Variants in EPB41 observed in about 807,000 individuals in gnomAD.
EPB41 encodes protein 4.1.
A neutral mutation model predicts 108.0 loss-of-function variants in EPB41; 65 were observed. That is an observed-to-expected ratio of 0.60 (90% CI 0.49 to 0.74). EPB41 has a LOEUF of 0.74. Among genes scored for constraint, EPB41 ranks in the 30% least tolerant of loss-of-function variants. EPB41 has a pLI of 0.00. For missense variants in EPB41, 875 were observed against 1,037.0 expected (o/e 0.84, Z 2.15); for synonymous variants, 336 against 358.9 (o/e 0.94, Z 0.72).
At position 29,038,188 on chromosome 1, in the gene EPB41, CATG is replaced by C. The variant is rs564028737; in HGVS notation, c.1464-1064_1464-1062del. Among the ~76,000 whole-genome samples the C allele has an allele frequency of 7.2e-5, 11 of 152,286 alleles. No individual in the cohort carries two copies. The South Asian group carries it at 2.3e-3, about 32-fold the overall frequency. On this transcript the variant is annotated intron_variant, in intron 10 of 20. Coordinates refer to ENST00000343067, the MANE Select transcript of EPB41 (RefSeq NM_001376013.1). ...ATATTTCAATTATTTCAAAATAAAA[CATG>C]AGGGTACATTTTACACCCAATTAAA... is the stretch of plus-strand genomic sequence containing the variant.
chr1:29,041,980 C>A (rs1477204659), intron 11 of EPB41, among the ~76,000 whole-genome samples: 2 of 152,174 alleles, frequency 1.3e-5, no homozygotes, highest in African/African-American at 4.8e-5. Flanking sequence ...TGTTAGCTAT[C>A]ATTAAGATGC....
At chr1:29,114,636 TAAAAAAAA>T (rs62666661) in intron 19 of EPB41, among the ~76,000 whole-genome samples, 4 of 77,742 alleles carry the variant, frequency 5.1e-5, no homozygotes, top group Admixed American at 3.0e-4. Context: ...AGACTCCGTC[TAAAAAAAA>T]AAAAAAAAAA....
intron 7 of EPB41, among the ~76,000 whole-genome samples, chr1:29,027,772 C>T (rs2096739784): frequency 6.6e-6 from 1 of 152,144 alleles, no homozygotes; most frequent in Non-Finnish European, 1.5e-5. Flanking sequence ...CAAACATCAG[C>T]CAAACTTCAA....
chr1:28,951,575 T>TG (rs1472391717), intron 1 of EPB41, among the ~76,000 whole-genome samples: 2 of 152,180 alleles, frequency 1.3e-5, no homozygotes, highest in Non-Finnish European at 2.9e-5. Flanking sequence ...GAGATCAGGC[T>TG]GGGCGTGGTG....
chr1:28,908,514 C>T (rs953614790), intron 1 of EPB41, among the ~76,000 whole-genome samples: 1 of 151,132 alleles, frequency 6.6e-6, no homozygotes, highest in African/African-American at 2.4e-5. Flanking sequence ...TCGCTGCAAC[C>T]TCTGCCTCCT....
At chr1:29,058,533 T>G in intron 12 of EPB41, 56 bp from the exon 13 acceptor site, 1 of 1,485,526 alleles carries the variant, frequency 6.7e-7, no homozygotes, top group South Asian at 1.2e-5. Flanking sequence ...AACAACACTA[T>G]TCATAGAAAC....
At chr1:29,105,882 GA>G (rs1236436199) in intron 17 of EPB41, among the ~76,000 whole-genome samples, 3 of 151,692 alleles carry the variant, frequency 2.0e-5, no homozygotes, top group African/African-American at 7.3e-5. Flanking sequence ...AGAGTAACTG[GA>G]CTACAGGCAT....
intron 1 of EPB41, among the ~76,000 whole-genome samples, chr1:28,954,618 A>T (rs558209025): frequency 6.6e-6 from 1 of 152,198 alleles, no homozygotes; most frequent in African/African-American, 2.4e-5. Flanking sequence ...TTCACACAAT[A>T]TACTAATACT....
At chr1:28,961,691 A>G (rs1462878346) in intron 1 of EPB41, among the ~76,000 whole-genome samples, 2 of 152,258 alleles carry the variant, frequency 1.3e-5, no homozygotes. Context: ...ACATATATTA[A>G]CACTATGATT....
upstream of EPB41, among the ~76,000 whole-genome samples, chr1:28,912,164 A>G (rs1011842266): frequency 6.6e-6 from 1 of 152,252 alleles, no homozygotes; most frequent in African/African-American, 2.4e-5. Context: ...CTCATTCAAC[A>G]AATATTTATT....
At chr1:29,092,518 G>A (rs1240353895) in intron 16 of EPB41, among the ~76,000 whole-genome samples, 1 of 152,172 alleles carries the variant, frequency 6.6e-6, no homozygotes, top group Non-Finnish European at 1.5e-5. Flanking sequence ...GATGTCACTT[G>A]CCATAACATT....
intron 1 of EPB41, among the ~76,000 whole-genome samples, chr1:28,888,781 CCG>C (rs1361774327): frequency 6.6e-6 from 1 of 152,182 alleles, no homozygotes; most frequent in Non-Finnish European, 1.5e-5. Context: ...GCGCCCGCCA[CCG>C]CGCCCGGCTA....
At chr1:28,903,832 T>G (rs2091525012) in intron 1 of EPB41, among the ~76,000 whole-genome samples, 2 of 151,966 alleles carry the variant, frequency 1.3e-5, no homozygotes, top group South Asian at 4.2e-4. Flanking sequence ...TGAACCAAGG[T>G]CGGCCTGCCT....
intron 10 of EPB41, among the ~76,000 whole-genome samples, chr1:29,036,733 G>A (rs1301851499): frequency 6.7e-6 from 1 of 149,050 alleles, no homozygotes; most frequent in Non-Finnish European, 1.5e-5. Flanking sequence ...CTGGAGTGCA[G>A]TGGCGGATCT....
At chr1:29,051,704 C>T (rs1265874676) in intron 11 of EPB41, among the ~76,000 whole-genome samples, 6 of 152,156 alleles carry the variant, frequency 3.9e-5, no homozygotes, top group Non-Finnish European at 7.4e-5. Context: ...CAAGACCAGC[C>T]TGGCCAACAT....
intron 19 of EPB41, among the ~76,000 whole-genome samples, chr1:29,114,030 A>G (rs1036184237): frequency 6.6e-6 from 1 of 152,194 alleles, no homozygotes; most frequent in Non-Finnish European, 1.5e-5. Flanking sequence ...CAGAGGTGGT[A>G]GTTCTAAGAA....
intron 1 of EPB41, among the ~76,000 whole-genome samples, chr1:28,975,805 A>G (rs1200564069): frequency 6.6e-6 from 1 of 151,996 alleles, no homozygotes; most frequent in African/African-American, 2.4e-5. Context: ...CGTCTCTAAT[A>G]AAAATACAAA....
intron 16 of EPB41, among the ~76,000 whole-genome samples, chr1:29,084,110 T>G (rs544108274): frequency 1.9e-4 from 29 of 152,330 alleles, no homozygotes; most frequent in Non-Finnish European, 3.7e-4. Flanking sequence ...CTTACTGGGT[T>G]TGCAAAGCAA....
intron 16 of EPB41, among the ~76,000 whole-genome samples, chr1:29,080,038 C>A: frequency 6.6e-6 from 1 of 151,860 alleles, no homozygotes; most frequent in South Asian, 2.1e-4. Flanking sequence ...AGGAGAATTC[C>A]CCAATTCACA....
Sources: gnomAD v4.1 joint callset for allele counts (sites outside exome capture counted in the v4.1 genomes callset) on GRCh38, gnomAD v4.1.1 for gene constraint, MANE v1.5 for transcripts, NCBI Gene and HGNC (gene_info 2026-07-23, HGNC 2026-07-21) for gene names.